Variants in MYO15B observed in about 807,000 individuals in gnomAD.
The protein encoded by MYO15B is myosin XVB, also known as myosin XVB pseudogene.
A neutral mutation model predicts 119.3 loss-of-function variants in MYO15B; 207 were observed. The observed-to-expected ratio is 1.73, with a 90% CI of 1.55 to 1.95. The LOEUF (loss-of-function observed/expected upper bound fraction) is 1.95. Among genes scored for constraint, MYO15B ranks in the 30% most tolerant of loss-of-function variants. MYO15B has a pLI of 0.00. For synonymous variants in MYO15B, 966 were observed against 498.9 expected (o/e 1.94, Z -12.48); for missense variants, 2,264 against 1,203.1 (o/e 1.88, Z -13.04).
intron 41 of MYO15B, chr17:75,617,571 A>G: frequency 3.0e-6 from 1 of 333,986 alleles, no homozygotes; most frequent in South Asian, 3.2e-5. Context: ...CTCTGTGAGG[A>G]AGTTAGTGGC....
exon 21 of MYO15B, chr17:75,605,986 C>T (rs2057620636): frequency 1.4e-6 from 1 of 701,810 alleles, no homozygotes; most frequent in African/African-American, 1.7e-5. Context: ...GCGTCCTGCC[C>T]CGGATGCAGG....
intron 25 of MYO15B, among the ~76,000 whole-genome samples, chr17:75,612,225 G>C (rs2058073532): frequency 6.6e-6 from 1 of 152,196 alleles, no homozygotes. Context: ...AACAGTTGGT[G>C]TTATTGAATG....
chr17:75,599,478 G>A (rs976542452), intron 14 of MYO15B, among the ~76,000 whole-genome samples: 11 of 151,100 alleles, frequency 7.3e-5, no homozygotes, highest in Non-Finnish European at 1.5e-4. Flanking sequence ...TAGTAGAGAC[G>A]GGGTTTCACC....
exon 41 of MYO15B, chr17:75,617,225 T>G (rs1178108416): frequency 1.4e-6 from 1 of 698,564 alleles, no homozygotes; most frequent in Non-Finnish European, 2.6e-6. Context: ...AGCTGCCTAT[T>G]GCCCACACAC....
intron 43 of MYO15B, 39 bp downstream of exon 43, chr17:75,618,224 G>A (rs1363880531): frequency 1.4e-6 from 1 of 702,672 alleles, no homozygotes; most frequent in Non-Finnish European, 2.6e-6. Context: ...GACATCTGCA[G>A]AGACAGCATC....
At chr17:75,601,347 G>T in intron 14 of MYO15B, 91 bp from the exon 15 acceptor site, 1 of 665,252 alleles carries the variant, frequency 1.5e-6, no homozygotes, top group Non-Finnish European at 2.7e-6. Context: ...TATAGTCAGT[G>T]TAGGCAGTAC....
At position 75,592,557 on chromosome 17, in the gene MYO15B, G is replaced by T. The variant is rs751279309; in HGVS notation, c.2829+16G>T. The T allele has an allele frequency of 4.9e-6, 3 of 611,816 alleles. No individual in the cohort carries two copies. The highest frequency in any genetic ancestry group is 8.8e-6 in the Non-Finnish European group (3 of 341,210). The allele number at this position is 611,816 out of a possible 1,614,324, so 37.9% of individuals were successfully genotyped here. On this transcript the variant is annotated intron_variant, in intron 8 of 63. Coordinates refer to ENST00000645453, the Ensembl canonical transcript of MYO15B. ...CCTCAACCAGGTCGGGGGAGCCCTT[G>T]TGGTGCGGCGGGGAGGCCTGCCCAG...
chr17:75,620,231 C>T lies in MYO15B; in HGVS notation c.7444-15C>T. On this transcript the variant is annotated splice_polypyrimidine_tract_variant and intron_variant, in intron 47 of 63. Transcript: ENST00000645453. ...GCAGACTTGCTGCTCCAGGCCCTCG[C>T]CTGCTTGCCCACAGGACTCCGGCTA... 1 of 702,506 alleles carries T rather than the reference C, an allele frequency of 1.4e-6. No homozygotes were observed. Among genetic ancestry groups the T allele is most frequent in the Non-Finnish European group, 2.6e-6 (1 of 384,966 alleles). 43.5% of individuals were successfully genotyped at this position (702,506 alleles called of 1,614,324 possible).
intron 31 of MYO15B, 36 bp from the exon 32 acceptor site, chr17:75,614,737 C>T (rs2058259204): frequency 8.5e-6 from 6 of 702,656 alleles, no homozygotes; most frequent in East Asian, 2.7e-5. Context: ...GCCCCACGCC[C>T]CGGGCCATGG....
At chr17:75,620,052 C>T (rs760227912) in intron 47 of MYO15B, 32 bp downstream of exon 47, 7 of 687,622 alleles carry the variant, frequency 1.0e-5, no homozygotes, top group African/African-American at 1.7e-5. Flanking sequence ...AGAGGCCGGG[C>T]AGACAGCCCT....
At chr17:75,619,621 G>C (rs998647250) in intron 45 of MYO15B, 60 bp from the exon 46 acceptor site, 1 of 697,514 alleles carries the variant, frequency 1.4e-6, no homozygotes, top group South Asian at 1.5e-5. Context: ...GGCAGCTCCA[G>C]GGCATCTTGG....
rs762634948 is a variant in MYO15B, at chr17:75,622,097, C to T, written c.8082+17C>T. The T allele has an allele frequency of 1.4e-5, 10 of 702,624 alleles. No homozygotes were observed. Among genetic ancestry groups the T allele is most frequent in the Non-Finnish European group, 1.8e-5 (7 of 384,824 alleles). The allele number at this position is 702,624 out of a possible 1,614,324, so 43.5% of individuals were successfully genotyped here. On this transcript the variant is annotated intron_variant, in intron 53 of 63. Transcript: ENST00000645453. ...CTGCTGAAGGTAAGCCTGGGCTGTG[C>T]GACCCCCAGCGCCTGTGCCTGTCCT...
At chr17:75,615,248 G>A (rs1462365588) in exon 34 of MYO15B, 7 of 702,420 alleles carry the variant, frequency 1.0e-5, no homozygotes, top group Non-Finnish European at 1.8e-5. Context: ...AGTGTACCCA[G>A]GAATGATTCA....
Position 75,621,024 on chromosome 17 carries a change from A to G in MYO15B, c.7726-7A>G. On this transcript the variant is annotated splice_polypyrimidine_tract_variant and splice_region_variant and intron_variant, in intron 49 of 63. Coordinates refer to ENST00000645453, the Ensembl canonical transcript of MYO15B. ...CTCAGGTGGCACCAGGTTTCTTGTG[A>G]TCCCAGCGCCCTGCCCACCCTTGGA... The G allele has an allele frequency of 1.4e-6, 1 of 702,596 alleles. No homozygotes were observed. Among genetic ancestry groups the G allele is most frequent in the Non-Finnish European group, 2.6e-6 (1 of 384,950 alleles). The allele number at this position is 702,596 out of a possible 1,614,324, so 43.5% of individuals were successfully genotyped here.
At position 75,601,637 on chromosome 17, in the gene MYO15B, G is replaced by A. The variant is rs180996506; in HGVS notation, c.3651+74G>A. 76 of 671,120 alleles carry A rather than the reference G, an allele frequency of 1.1e-4. 1 individual carries two copies. In the East Asian group the frequency reaches 1.7e-3, roughly 15 times the overall value. 41.6% of individuals were successfully genotyped at this position (671,120 alleles called of 1,614,324 possible). ...CCCTCCCAAGCTGAGTCACCCGACA[G>A]CGGAGAGGAGTGGGTGTGGGGAGGC... On this transcript the variant is annotated intron_variant, in intron 15 of 63. Transcript: ENST00000645453.
chr17:75,602,156 C>T (rs1035673265), intron 15 of MYO15B: 2 of 353,106 alleles, frequency 5.7e-6, no homozygotes, highest in Non-Finnish European at 1.1e-5. Flanking sequence ...TACAAACTAC[C>T]CAGGAGTTGC....
chr17:75,615,203 CCAGGCAGGGACTGA>C (rs1351200105), intron 33 of MYO15B, 23 bp from the exon 34 acceptor site: 8 of 692,998 alleles, frequency 1.2e-5, no homozygotes, highest in Middle Eastern at 2.3e-4. Context: ...GCATGTGGGC[CCAGGCAGGGACTGA>C]CAGGGAGGGC....
chr17:75,608,350 C>A (rs1288365027), intron 21 of MYO15B, among the ~76,000 whole-genome samples: 7 of 152,010 alleles, frequency 4.6e-5, no homozygotes. Context: ...AACTCCTGAC[C>A]TCAGGTGATC....
intron 22 of MYO15B, 137 bp from the exon 23 acceptor site, chr17:75,610,763 C>G (rs977480732): frequency 1.6e-6 from 1 of 640,188 alleles, no homozygotes; most frequent in African/African-American, 1.8e-5. Context: ...GGGTGGCTGG[C>G]CCCTCCTGAT....
Sources: allele counts gnomAD v4.1 joint callset (sites outside exome capture counted in the v4.1 genomes callset), GRCh38; gene constraint gnomAD v4.1.1; transcripts MANE v1.5; gene names NCBI Gene and HGNC (gene_info 2026-07-23, HGNC 2026-07-21).